The following CCDC15 variants were observed in gnomAD, a reference collection of about 807,000 sequenced individuals.
The protein encoded by CCDC15 is coiled-coil domain-containing protein 15.
Under a neutral mutation model 114.5 loss-of-function variants are expected in CCDC15, and 105 were observed. The ratio of observed to expected loss-of-function variants is 0.92; its 90% CI spans 0.78 to 1.08. The LOEUF is 1.08. Among genes scored for constraint, CCDC15 ranks in the 50% least tolerant of loss-of-function variants. The pLI, the probability that CCDC15 is intolerant of heterozygous loss-of-function variation, is 0.00. For missense variants in CCDC15, 1,105 were observed against 1,093.6 expected (o/e 1.01, Z -0.15); for synonymous variants, 334 against 377.8 (o/e 0.88, Z 1.34).
At chr11:124,996,554 G>A (rs908856716) in intron 11 of CCDC15, among the ~76,000 whole-genome samples, 9 of 152,042 alleles carry the variant, frequency 5.9e-5, no homozygotes, top group Non-Finnish European at 8.8e-5. Context: ...TATACATACC[G>A]TAAAATTTCC....
intron 13 of CCDC15, among the ~76,000 whole-genome samples, chr11:125,009,119 C>T (rs1429370889): frequency 6.7e-6 from 1 of 150,138 alleles, no homozygotes; most frequent in East Asian, 2.0e-4. Flanking sequence ...CCCAGCTACT[C>T]GGGAGGCTGA....
Position 124,987,174 on chromosome 11 carries a change from A to G in CCDC15, c.948A>G (p.Glu316=). The G allele has an allele frequency of 6.6e-7, 1 of 1,521,240 alleles. No individual in the cohort carries two copies. The allele number at this position is 1,521,240 out of a possible 1,614,324, so 94.2% of individuals were successfully genotyped here. A position where few individuals can be genotyped will look rare whatever the true frequency, so the allele number is the denominator to read the frequency against. Residue 316 remains glutamate, a synonymous_variant, in exon 8 of 16, where the codon GAA becomes GAG. Coordinates refer to ENST00000344762, the MANE Select transcript of CCDC15 (RefSeq NM_025004.3). ...NPLFVLMEEE[E]QKQLHFEGLQ... ...TATTTGTTCTGATGGAAGAGGAAGA[A>G]CAAAAGCAGTTACATTTTGAGGGCC...
chr11:124,966,738 G>A (rs1232337007), intron 4 of CCDC15, among the ~76,000 whole-genome samples: 1 of 152,136 alleles, frequency 6.6e-6, no homozygotes, highest in African/African-American at 2.4e-5. Context: ...TCCTAGCATC[G>A]ATGGTCTTTA....
At chr11:125,035,214 T>C (rs990587345) in intron 13 of CCDC15, among the ~76,000 whole-genome samples, 1 of 152,168 alleles carries the variant, frequency 6.6e-6, no homozygotes, top group Non-Finnish European at 1.5e-5. Context: ...GTCTGCCTTT[T>C]CCAGTCCACT....
chr11:124,975,255 A>T (rs552654146), intron 5 of CCDC15, 46 bp downstream of exon 5: 1 of 1,151,584 alleles, frequency 8.7e-7, no homozygotes, highest in African/African-American at 1.6e-5. Flanking sequence ...CAGGTAAAAA[A>T]TACAGATAAA....
At chr11:125,025,087 T>TATATATATGA (rs1300819558) in intron 13 of CCDC15, among the ~76,000 whole-genome samples, 1 of 76,272 alleles carries the variant, frequency 1.3e-5, no homozygotes, top group South Asian at 3.9e-4. Context: ...TATATATGAA[T>TATATATATGA]ATATATATGA....
chr11:124,986,711 G>GCA (rs1948167614), intron 6 of CCDC15, 31 bp from the exon 7 acceptor site: 5 of 1,456,676 alleles, frequency 3.4e-6, no homozygotes, highest in South Asian at 1.4e-5. Flanking sequence ...GCGCGCGCGC[G>GCA]CGTGCGCGTT....
rs1455285448 is a variant in CCDC15 at position 124,993,191 on chromosome 11, C to T, written c.2162C>T (p.Ser721Leu). 4 of 1,606,674 alleles carry T rather than the reference C, an allele frequency of 2.5e-6. No individual in the cohort carries two copies. Among genetic ancestry groups the T allele is most frequent in the Non-Finnish European group, 3.4e-6 (4 of 1,175,238 alleles). The stretch of plus-strand genomic sequence containing the variant: ...TAGAACAAGCATATCAAACTACCCT[C>T]ATCTTTTGAGAAATGGGAGATTGCA... ...REQNKHIKLP[S>L]SFEKWEIARG... is the part of the protein sequence containing the mutation. Residue 721 changes from serine to leucine, a missense_variant, in exon 11 of 16, where the codon TCA (serine) becomes TTA (leucine). Physicochemically the swap from Ser to Leu is moderately radical, Grantham distance 145. Transcript: ENST00000344762.
At chr11:124,996,462 A>T (rs1272273529) in intron 11 of CCDC15, among the ~76,000 whole-genome samples, 2 of 152,232 alleles carry the variant, frequency 1.3e-5, no homozygotes, top group African/African-American at 4.8e-5. Context: ...AATCACTGTC[A>T]AGAGTTGTAT....
chr11:125,033,807 T>C (rs1208881131), intron 13 of CCDC15, among the ~76,000 whole-genome samples: 1 of 152,232 alleles, frequency 6.6e-6, no homozygotes, highest in Admixed American at 6.5e-5. Context: ...AATCCCTATT[T>C]AGTAGGCCCA....
chr11:125,005,302 C>T, intron 13 of CCDC15, 90 bp downstream of exon 13: 1 of 545,642 alleles, frequency 1.8e-6, no homozygotes, highest in Non-Finnish European at 3.2e-6. Context: ...TGGTTTTGCC[C>T]TCTGATCCAT....
intron 13 of CCDC15, among the ~76,000 whole-genome samples, chr11:125,014,057 T>C (rs1174521893): frequency 1.3e-5 from 2 of 152,148 alleles, no homozygotes; most frequent in Non-Finnish European, 2.9e-5. Flanking sequence ...AAGAATCTAT[T>C]AGTCTGTGAT....
Position 125,005,188 on chromosome 11 carries a change from A to G in CCDC15, c.2387A>G (p.Lys796Arg). Residue 796 changes from lysine (K) to arginine (R), a missense_variant, in exon 13 of 16, where the codon AAA becomes AGA. By Grantham distance (26) the Lys-to-Arg change is conservative (BLOSUM62 2). Transcript: ENST00000344762. ...REQVKEQQRQ[K>R]EQKKKIEKIK... ...CAAGTTAAAGAACAACAAAGGCAAA[A>G]AGAACAAAAGAAGAAAATTGAAAAG... The G allele has an allele frequency of 6.5e-7, 1 of 1,530,304 alleles. No individual in the cohort carries two copies. The highest frequency in any genetic ancestry group is 8.9e-7 in the Non-Finnish European group (1 of 1,118,868). 94.8% of individuals were successfully genotyped at this position (1,530,304 alleles called of 1,614,324 possible). A position where few individuals can be genotyped will look rare whatever the true frequency, so the allele number is the denominator to read the frequency against.
chr11:125,014,068 G>C (rs527594567), intron 13 of CCDC15, among the ~76,000 whole-genome samples: 50 of 152,334 alleles, frequency 3.3e-4, no homozygotes, highest in African/African-American at 1.1e-3. Context: ...AGTCTGTGAT[G>C]ATGAGGAGAT....
chr11:124,987,835 C>G lies in CCDC15; in HGVS notation c.1609C>G (p.Gln537Glu), dbSNP rs775983435. 6.2e-7 allele frequency: 1 copy of G among 1,605,460 alleles called. No individual in the cohort carries two copies. Among genetic ancestry groups the G allele is most frequent in the South Asian group, 1.1e-5 (1 of 90,376 alleles). Residue 537 changes from glutamine to glutamate, a missense_variant, in exon 8 of 16, where the codon CAG (glutamine) becomes GAG (glutamate). Transcript: ENST00000344762. ...AGGCCAGGATTTTCTACCTAAAGAC[C>G]AGGACTTTTTATCTAGAGACCAGCA... ...YQGQDFLPKD[Q>E]DFLSRDQHVL... is the part of the protein sequence containing the mutation.
At chr11:125,006,454 A>C (rs1949479304) in intron 13 of CCDC15, among the ~76,000 whole-genome samples, 3 of 152,172 alleles carry the variant, frequency 2.0e-5, no homozygotes, top group Admixed American at 2.0e-4. Context: ...AGTCTTTTGT[A>C]AACATTTTTT....
At chr11:125,031,271 C>A (rs1252492418) in intron 13 of CCDC15, among the ~76,000 whole-genome samples, 2 of 152,222 alleles carry the variant, frequency 1.3e-5, no homozygotes, top group Non-Finnish European at 2.9e-5. Context: ...GTGAACCAGG[C>A]CGTAGTCTTC....
rs191809427 is a variant in CCDC15, at chr11:125,025,378, G to T, written c.2412-13053G>T. On this transcript the variant is annotated intron_variant, in intron 13 of 15. Transcript: ENST00000344762. ...GCTAACAATTTTCTTTATCTAAAAA[G>T]ATATTTGTCTAATATATTTGTTAAG... 4.7e-4 allele frequency among the ~76,000 whole-genome samples: 71 copies of T among 151,624 alleles called. No homozygotes were observed. The East Asian group carries it at 0.014, about 29-fold the overall frequency.
intron 13 of CCDC15, among the ~76,000 whole-genome samples, chr11:125,032,588 C>T (rs573088994): frequency 6.6e-6 from 1 of 152,322 alleles, no homozygotes; most frequent in Non-Finnish European, 1.5e-5. Context: ...CTAATTGCCG[C>T]AATTCCTCCA....
Sources: allele counts gnomAD v4.1 joint callset (sites outside exome capture counted in the v4.1 genomes callset), GRCh38; gene constraint gnomAD v4.1.1; transcripts MANE v1.5; gene names NCBI Gene and HGNC (gene_info 2026-07-23, HGNC 2026-07-21).